Variants in RASGRF2 observed in about 807,000 individuals in gnomAD.
RASGRF2 encodes ras-specific guanine nucleotide-releasing factor 2.
In RASGRF2, 76 loss-of-function variants were observed where a neutral mutation model predicts 151.0. The ratio of observed to expected loss-of-function variants is 0.50; its 90% CI spans 0.42 to 0.61. The LOEUF is 0.61. RASGRF2 is among the 20% of genes least tolerant of loss of function. The pLI, the probability that RASGRF2 is intolerant of heterozygous loss-of-function variation, is 0.00. For missense variants in RASGRF2, 1,148 were observed against 1,564.6 expected (o/e 0.73, Z 4.49); for synonymous variants, 504 against 566.5 (o/e 0.89, Z 1.57).
chr5:81,217,124 T>C, intron 24 of RASGRF2: 1 of 539,586 alleles, frequency 1.9e-6, no homozygotes, highest in Non-Finnish European at 3.1e-6. Flanking sequence ...TGTTTGAATA[T>C]GCCATTTTTT....
intron 18 of RASGRF2, among the ~76,000 whole-genome samples, chr5:81,185,792 C>T (rs1755013524): frequency 6.6e-6 from 1 of 152,170 alleles, no homozygotes. Context: ...CAGCCCACGC[C>T]AGGGCTAGAG....
intron 17 of RASGRF2, among the ~76,000 whole-genome samples, chr5:81,177,455 T>C (rs1754801501): frequency 6.6e-6 from 1 of 151,972 alleles, no homozygotes; most frequent in African/African-American, 2.4e-5. Flanking sequence ...CGAGAATTAT[T>C]CTTTCAGTCA....
At chr5:81,124,833 C>T (rs1228602817) in intron 16 of RASGRF2, among the ~76,000 whole-genome samples, 4 of 152,026 alleles carry the variant, frequency 2.6e-5, no homozygotes, top group African/African-American at 9.7e-5. Flanking sequence ...CAAGTCAGAA[C>T]AGAAAATTAC....
intron 1 of RASGRF2, among the ~76,000 whole-genome samples, chr5:81,000,407 A>G (rs1275755681): frequency 6.6e-6 from 1 of 152,040 alleles, no homozygotes; most frequent in Admixed American, 6.5e-5. Context: ...ATGCCTGGCT[A>G]ATTTTTATAT....
At chr5:81,132,972 G>A (rs1753662377) in intron 17 of RASGRF2, among the ~76,000 whole-genome samples, 1 of 152,182 alleles carries the variant, frequency 6.6e-6, no homozygotes, top group African/African-American at 2.4e-5. Context: ...TGATAAATCT[G>A]CTTTTGAGTC....
At chr5:81,145,501 C>T (rs937398730) in intron 17 of RASGRF2, among the ~76,000 whole-genome samples, 31 of 152,214 alleles carry the variant, frequency 2.0e-4, no homozygotes, top group African/African-American at 7.0e-4. Context: ...TAGTAACTTG[C>T]TTCTAACAAA....
chr5:81,224,022 C>T (rs772721707), intron 26 of RASGRF2, among the ~76,000 whole-genome samples: 1 of 152,068 alleles, frequency 6.6e-6, no homozygotes, highest in Non-Finnish European at 1.5e-5. Flanking sequence ...TGACAGAGGA[C>T]CATTATTTAA....
intron 17 of RASGRF2, among the ~76,000 whole-genome samples, chr5:81,179,516 G>A (rs1008025718): frequency 1.3e-5 from 2 of 152,208 alleles, no homozygotes; most frequent in African/African-American, 4.8e-5. Context: ...AATAATGATT[G>A]TAGATATTAT....
chr5:81,115,058 A>G (rs1392810237), intron 15 of RASGRF2, among the ~76,000 whole-genome samples: 1 of 152,198 alleles, frequency 6.6e-6, no homozygotes, highest in African/African-American at 2.4e-5. Context: ...ACTGTATAAG[A>G]ACTGACTTAT....
Position 81,226,388 on chromosome 5 carries a change from A to C in RASGRF2, c.*618A>C, listed in dbSNP as rs1756000746. ...TCTTTAGGCAATGGGATAGGAAAGA[A>C]AGAATGAAACACAAATGGATTTGTA... On this transcript the variant is annotated 3_prime_UTR_variant, in exon 27 of 27. Coordinates refer to ENST00000265080, the MANE Select transcript of RASGRF2 (RefSeq NM_006909.3). The C allele has an allele frequency of 6.6e-6, 1 of 152,276 alleles. No individual in the cohort carries two copies. Among genetic ancestry groups the C allele is most frequent in the Non-Finnish European group, 1.5e-5 (1 of 68,060 alleles). 9.4% of individuals were successfully genotyped at this position (152,276 alleles called of 1,614,324 possible).
rs191023654 is a variant in RASGRF2, at chr5:81,152,658, C to G, written c.2686+25495C>G. On this transcript the variant is annotated intron_variant, in intron 17 of 26. Coordinates refer to ENST00000265080, the MANE Select transcript of RASGRF2 (RefSeq NM_006909.3). The stretch of plus-strand genomic sequence containing the variant: ...GAGGAGCTCAGCAAATTTCCTTCCC[C>G]AAAACAATGACAAAATTGTACAAAA... Among the ~76,000 whole-genome samples the G allele has an allele frequency of 3.9e-5, 6 of 152,176 alleles. 1 individual carries two copies. The highest frequency in any genetic ancestry group is 1.4e-4 in the African/African-American group (6 of 41,496).
At chr5:81,080,098 T>G in intron 5 of RASGRF2, 23 bp from the exon 6 acceptor site, 1 of 1,592,278 alleles carries the variant, frequency 6.3e-7, no homozygotes, top group Non-Finnish European at 8.5e-7. Flanking sequence ...AACTAAATTA[T>G]ATTATTTTTC....
At chr5:81,150,651 TACAC>T (rs1409139830) in intron 17 of RASGRF2, among the ~76,000 whole-genome samples, 3 of 151,864 alleles carry the variant, frequency 2.0e-5, no homozygotes, top group Non-Finnish European at 4.4e-5. Flanking sequence ...CACACACACA[TACAC>T]ACACACAAGC....
rs142384849 is a variant in RASGRF2 at position 81,068,096 on chromosome 5, G to A, written c.460G>A (p.Val154Ile). The A allele has an allele frequency of 8.3e-5, 134 of 1,613,714 alleles. No individual in the cohort carries two copies. Among genetic ancestry groups the A allele is most frequent in the Admixed American group, 3.8e-4 (23 of 59,968 alleles). ...MQKYIHLVQI[V>I]ETEKIAANQL... ...GAAGTACATTCATCTAGTTCAGATCGTAGAGACAGAAAAAATTGCAGCTAA... is the reference window on the plus strand; with the variant it reads ...GAAGTACATTCATCTAGTTCAGATCATAGAGACAGAAAAAATTGCAGCTAA... Residue 154 changes from valine to isoleucine, a missense_variant, in exon 3 of 27, where the codon GTA becomes ATA. This residue lies in a region of RASGRF2 where 221 missense variants were observed against 271.3 expected (regional missense o/e 0.81). Transcript: ENST00000265080.
intron 7 of RASGRF2, among the ~76,000 whole-genome samples, chr5:81,081,523 G>C (rs1446056540): frequency 6.6e-6 from 1 of 152,212 alleles, no homozygotes; most frequent in Non-Finnish European, 1.5e-5. Flanking sequence ...CTGTTGTTTT[G>C]AAAAGTGTCG....
chr5:81,094,687 G>A (rs930659700), intron 11 of RASGRF2, among the ~76,000 whole-genome samples, 169 bp from the exon 12 acceptor site: 10 of 152,112 alleles, frequency 6.6e-5, no homozygotes, highest in South Asian at 2.1e-4. Context: ...TTCTTCATCT[G>A]CTTATGAGCT....
chr5:81,141,460 C>A (rs248988), intron 17 of RASGRF2, among the ~76,000 whole-genome samples: 62,533 of 151,952 alleles, frequency 0.41, 14,521 homozygotes, highest in East Asian at 0.81. Context: ...GCAAGTGTGG[C>A]ATCTGGAGTG....
At chr5:81,110,996 A>T (rs1357998304) in intron 13 of RASGRF2, among the ~76,000 whole-genome samples, 1 of 152,200 alleles carries the variant, frequency 6.6e-6, no homozygotes, top group African/African-American at 2.4e-5. Context: ...CCTGCAGATG[A>T]AGTACTTCCA....
chr5:81,144,023 C>T (rs1753947361), intron 17 of RASGRF2, among the ~76,000 whole-genome samples: 1 of 151,896 alleles, frequency 6.6e-6, no homozygotes, highest in Non-Finnish European at 1.5e-5. Flanking sequence ...AATTATTATG[C>T]AGGAAAGTTA....
Sources: gnomAD v4.1 joint callset for allele counts (sites outside exome capture counted in the v4.1 genomes callset) on GRCh38, gnomAD v4.1.1 for gene constraint, gnomAD v4.1.1 regional missense constraint, MANE v1.5 for transcripts, NCBI Gene and HGNC (gene_info 2026-07-23, HGNC 2026-07-21) for gene names.